DHDH: variants seen among roughly 807,000 people sequenced by gnomAD.
DHDH encodes trans-1,2-dihydrobenzene-1,2-diol dehydrogenase.
A neutral mutation model predicts 33.2 loss-of-function variants in DHDH; 29 were observed. The observed-to-expected ratio is 0.87, with a 90% CI of 0.65 to 1.19. DHDH has a LOEUF of 1.19. DHDH is among the 50% of genes most tolerant of loss of function. The pLI is 0.00. For missense variants in DHDH, 431 were observed against 455.0 expected (o/e 0.95, Z 0.48); for synonymous variants, 201 against 187.9 (o/e 1.07, Z -0.57).
intron 5 of DHDH, among the ~76,000 whole-genome samples, chr19:48,944,056 C>T (rs988829446): frequency 2.0e-5 from 3 of 152,050 alleles, no homozygotes; most frequent in Non-Finnish European, 4.4e-5. Flanking sequence ...CACAGACACA[C>T]AAAGATAAGC....
intron 3 of DHDH, among the ~76,000 whole-genome samples, chr19:48,937,539 G>A (rs1038762709): frequency 1.3e-5 from 2 of 152,050 alleles, no homozygotes; most frequent in African/African-American, 4.8e-5. Context: ...TTGGCCGGGC[G>A]CGGTGGCTCA....
chr19:48,940,902 G>C (rs918002391), intron 4 of DHDH, among the ~76,000 whole-genome samples: 1 of 151,412 alleles, frequency 6.6e-6, no homozygotes, highest in Non-Finnish European at 1.5e-5. Context: ...GGCAGGTCTC[G>C]AACTCCTGGG....
intron 3 of DHDH, among the ~76,000 whole-genome samples, chr19:48,936,973 G>A (rs1386550972): frequency 2.0e-5 from 3 of 151,730 alleles, no homozygotes; most frequent in Non-Finnish European, 4.4e-5. Flanking sequence ...TAGTAGAGAC[G>A]GGGTTTCACC....
rs900906667 is a variant in DHDH at position 48,935,147 on chromosome 19, C to T, written c.202+36C>T. ...AGGGCGATGGGGGTGCTGGCCGCCG[C>T]CCCTGGAGCGGTGCCCCCTGGCTGC... On this transcript the variant is annotated intron_variant, in intron 2 of 6. Coordinates refer to ENST00000221403, the MANE Select transcript of DHDH (RefSeq NM_014475.4). 3.3e-6 allele frequency: 5 copies of T among 1,493,160 alleles called. No homozygotes were observed. The Admixed American group carries it at 8.6e-5, about 26-fold the overall frequency. 92.5% of individuals were successfully genotyped at this position (1,493,160 alleles called of 1,614,324 possible). A position where few individuals can be genotyped will look rare whatever the true frequency, so the allele number is the denominator to read the frequency against.
At position 48,937,346 on chromosome 19, in the gene DHDH, G is replaced by A. The variant is rs536254233; in HGVS notation, c.366+1151G>A. Among the ~76,000 whole-genome samples the A allele has an allele frequency of 7.9e-5, 12 of 152,184 alleles. No individual in the cohort carries two copies. The South Asian group carries it at 2.3e-3, about 29-fold the overall frequency. On this transcript the variant is annotated intron_variant, in intron 3 of 6. Transcript: ENST00000221403. Reference sequence around the variant, plus strand: ...ATCCGTCCTGCCCCGCCCTTCCCCCGTGAGCCCTGACACTCTTGCGTCAGC... The same window carrying A: ...ATCCGTCCTGCCCCGCCCTTCCCCCATGAGCCCTGACACTCTTGCGTCAGC...
At chr19:48,941,891 T>G (rs958175272) in intron 4 of DHDH, among the ~76,000 whole-genome samples, 2 of 152,006 alleles carry the variant, frequency 1.3e-5, no homozygotes, top group Admixed American at 6.6e-5. Flanking sequence ...CAGGCTGGTC[T>G]TGAACTCCTG....
At chr19:48,938,304 C>T (rs1019685360) in intron 3 of DHDH, among the ~76,000 whole-genome samples, 1 of 152,040 alleles carries the variant, frequency 6.6e-6, no homozygotes, top group Non-Finnish European at 1.5e-5. Flanking sequence ...GCTATGTTGT[C>T]CAGGCTGGTC....
Position 48,943,052 on chromosome 19 carries a change from T to A in DHDH, c.744+488T>A, listed in dbSNP as rs190863470. 2.1e-3 allele frequency among the ~76,000 whole-genome samples: 194 copies of A among 92,136 alleles called. 2 individuals carry two copies. The highest frequency in any genetic ancestry group is 6.2e-3 in the African/African-American group (189 of 30,722). The allele number at this position is 92,136 out of a possible 152,430, so 60.4% of individuals were successfully genotyped here. Reference sequence around the variant, plus strand: ...CCTGGGTGATAAGAGCAAAACTCCATCTCAAAAAAAAAAATATATATATAT... The same window carrying A: ...CCTGGGTGATAAGAGCAAAACTCCAACTCAAAAAAAAAAATATATATATAT... On this transcript the variant is annotated intron_variant, in intron 5 of 6. Transcript: ENST00000221403.
rs1200219928 is a variant in DHDH at position 48,939,463 on chromosome 19, C to G, written c.381C>G (p.Arg127=). The change falls in exon 4 of 7, where the codon CGC becomes CGG. Residue 127 remains arginine (R), a synonymous_variant. Coordinates refer to ENST00000221403, the MANE Select transcript of DHDH (RefSeq NM_014475.4). ...GTGGTCTGCAGGCCATCTGGACCCG[C>G]TTCTTTCCTGCCTCCGAGGCTCTGA... The part of the protein sequence containing the change: ...ALFLMEAIWT[R]FFPASEALRS... 9 of 1,612,664 alleles carry G rather than the reference C, an allele frequency of 5.6e-6. No individual in the cohort carries two copies. The highest frequency in any genetic ancestry group is 7.6e-6 in the Non-Finnish European group (9 of 1,178,958).
chr19:48,942,617 G>A (rs994804193), intron 5 of DHDH, 53 bp downstream of exon 5: 2 of 1,580,616 alleles, frequency 1.3e-6, no homozygotes, highest in Non-Finnish European at 1.7e-6. Flanking sequence ...AATAGGAGGG[G>A]GACAAATGGC....
At position 48,941,738 on chromosome 19, in the gene DHDH, A is replaced by C. The variant is rs190479248; in HGVS notation, c.620-702A>C. ...CACTTAGGCTGAGTGCAGTGGCACA[A>C]TCATTGCTCACTGCAACCTTGACCT... is the stretch of plus-strand genomic sequence containing the variant. On this transcript the variant is annotated intron_variant, in intron 4 of 6. Transcript: ENST00000221403. 3.3e-5 allele frequency among the ~76,000 whole-genome samples: 5 copies of C among 151,256 alleles called. No homozygotes were observed. The East Asian group carries it at 9.8e-4, about 30-fold the overall frequency.
chr19:48,933,739 C>G lies in DHDH; in HGVS notation c.18C>G (p.Gly6=). 6.2e-7 allele frequency: 1 copy of G among 1,613,448 alleles called. No individual in the cohort carries two copies. The change falls in exon 1 of 7, where the codon GGC becomes GGG. Residue 6 remains glycine (G), a synonymous_variant. Coordinates refer to ENST00000221403, the MANE Select transcript of DHDH (RefSeq NM_014475.4). MALRW[G]IVSVGLISSD... is the part of the protein sequence containing the mutation. ...TCGCAACCATGGCGCTGCGCTGGGG[C>G]ATCGTGTCTGTCGGCCTCATCTCCA...
chr19:48,938,002 A>G (rs1045838223), intron 3 of DHDH, among the ~76,000 whole-genome samples: 3 of 151,564 alleles, frequency 2.0e-5, no homozygotes, highest in African/African-American at 7.3e-5. Flanking sequence ...CCTCCATTTT[A>G]TTTGTGTCCT....
At chr19:48,935,893 A>G (rs2037765957) in intron 2 of DHDH, 139 bp from the exon 3 acceptor site, 3 of 934,132 alleles carry the variant, frequency 3.2e-6, no homozygotes, top group Non-Finnish European at 4.6e-6. Context: ...CCCCTTCCTA[A>G]GGACAGCTCC....
intron 5 of DHDH, 72 bp downstream of exon 5, chr19:48,942,636 C>T: frequency 6.5e-7 from 1 of 1,547,972 alleles, no homozygotes; most frequent in Admixed American, 1.8e-5. Context: ...GCCTCTGGAG[C>T]TAGATGAGAG....
At position 48,939,716 on chromosome 19, in the gene DHDH, G is replaced by A. The variant is rs1278988342; in HGVS notation, c.619+15G>A. The stretch of plus-strand genomic sequence containing the variant: ...TCATGAAACAGGTACCATCTATCCT[G>A]GAATATTTCATGGTGATGGGAATGA... On this transcript the variant is annotated intron_variant, in intron 4 of 6. Coordinates refer to ENST00000221403, the MANE Select transcript of DHDH (RefSeq NM_014475.4). 1.3e-6 allele frequency: 2 copies of A among 1,576,990 alleles called. No individual in the cohort carries two copies. The highest frequency in any genetic ancestry group is 2.3e-5 in the East Asian group (1 of 44,338).
rs1477970330 is a variant in DHDH, at chr19:48,942,465, C to T, written c.645C>T (p.Leu215=). The part of the protein sequence containing the change: ...ETGVDDTVTV[L]LQYPGEVHGS... Reference sequence around the variant, plus strand: ...GTGTGGATGACACTGTCACGGTGCTCCTGCAGTACCCAGGGGAGGTCCATG... The same window carrying T: ...GTGTGGATGACACTGTCACGGTGCTTCTGCAGTACCCAGGGGAGGTCCATG... The change falls in exon 5 of 7, where the codon CTC becomes CTT. Residue 215 remains leucine (L), a synonymous_variant. Transcript: ENST00000221403. 1 of 1,612,148 alleles carries T rather than the reference C, an allele frequency of 6.2e-7. No individual in the cohort carries two copies. The highest frequency in any genetic ancestry group is 1.3e-5 in the African/African-American group (1 of 74,912).
chr19:48,942,111 C>T (rs894015440), intron 4 of DHDH, among the ~76,000 whole-genome samples: 1 of 151,660 alleles, frequency 6.6e-6, no homozygotes, highest in Non-Finnish European at 1.5e-5. Context: ...ACGTTCACGC[C>T]ATTCTCCTGC....
At position 48,938,297 on chromosome 19, in the gene DHDH, A is replaced by G. The variant is rs141482230; in HGVS notation, c.367-1152A>G. On this transcript the variant is annotated intron_variant, in intron 3 of 6. Transcript: ENST00000221403. ...TTTGTAGTAGAGACGGGGTTTTGCTATGTTGTCCAGGCTGGTCTGGAACTT... is the reference window on the plus strand; with the variant it reads ...TTTGTAGTAGAGACGGGGTTTTGCTGTGTTGTCCAGGCTGGTCTGGAACTT... Among the ~76,000 whole-genome samples the G allele has an allele frequency of 1.8e-3, 268 of 151,968 alleles. 1 individual carries two copies. The highest frequency in any genetic ancestry group is 6.0e-3 in the African/African-American group (249 of 41,436).
Sources: gnomAD v4.1 joint callset for allele counts (sites outside exome capture counted in the v4.1 genomes callset) on GRCh38, gnomAD v4.1.1 for gene constraint, MANE v1.5 for transcripts, NCBI Gene and HGNC (gene_info 2026-07-23, HGNC 2026-07-21) for gene names.